Variants in TSPAN13 observed in about 807,000 individuals in gnomAD.
The protein encoded by TSPAN13 is tetraspanin-13.
A neutral mutation model predicts 26.9 loss-of-function variants in TSPAN13; 18 were observed. The observed-to-expected ratio is 0.67, with a 90% confidence interval of 0.46 to 0.99. The LOEUF (loss-of-function observed/expected upper bound fraction) is 0.99, where lower values mean the gene tolerates loss of function less well. TSPAN13 is among the 50% of genes least tolerant of loss of function. The pLI, the probability that TSPAN13 is intolerant of heterozygous loss-of-function variation, is 0.00. For synonymous variants in TSPAN13, 116 were observed against 98.4 expected, an observed-to-expected ratio of 1.18 and a Z score of -1.06; for missense variants, 201 against 249.6, an observed-to-expected ratio of 0.81 and a Z score of 1.31.
chr7:16,767,821 T>G (rs758018765), intron 1 of TSPAN13, among the ~76,000 whole-genome samples: 1 of 152,248 alleles, frequency 6.6e-6, no homozygotes, highest in Non-Finnish European at 1.5e-5. Context: ...TTTCAAATTC[T>G]TCTTCAGTGA....
intron 5 of TSPAN13, among the ~76,000 whole-genome samples, chr7:16,781,259 T>A (rs1400752005): frequency 6.6e-6 from 1 of 152,210 alleles, no homozygotes; most frequent in Non-Finnish European, 1.5e-5. Flanking sequence ...TATTGTGGCA[T>A]ATTTCCTTCT....
chr7:16,761,478 A>C (rs1247251774), intron 1 of TSPAN13, among the ~76,000 whole-genome samples: 1 of 152,130 alleles, frequency 6.6e-6, no homozygotes. Context: ...GTAATTCCTC[A>C]TTATGAATGT....
Position 16,759,780 on chromosome 7 carries a change from C to T in TSPAN13, c.63+5750C>T, listed in dbSNP as rs528041738. Among the ~76,000 whole-genome samples, 58 of 151,244 alleles carry T rather than the reference C, an allele frequency of 3.8e-4. No individual in the cohort carries two copies. In the Middle Eastern group the frequency reaches 0.01, roughly 27 times the overall value. ...CAGCTCACTGCCAGAGAGCTGTCTC[C>T]TGGGCTCAAGTGATCCTCCCACATC... is the stretch of plus-strand genomic sequence containing the variant. On this transcript the variant is annotated intron_variant, in intron 1 of 5. Coordinates refer to ENST00000262067, the MANE Select transcript of TSPAN13 (RefSeq NM_014399.4).
intron 5 of TSPAN13, among the ~76,000 whole-genome samples, chr7:16,781,451 C>G (rs1186474899): frequency 6.6e-6 from 1 of 152,142 alleles, no homozygotes; most frequent in African/African-American, 2.4e-5. Context: ...GAAAAGTGCC[C>G]TCTTAATCAT....
intron 1 of TSPAN13, among the ~76,000 whole-genome samples, chr7:16,772,096 A>G (rs991982587): frequency 2.6e-5 from 4 of 152,188 alleles, no homozygotes; most frequent in African/African-American, 2.4e-5. Flanking sequence ...TCTCATTATT[A>G]ATGAGCCTAT....
At chr7:16,770,202 T>C (rs924793500) in intron 1 of TSPAN13, among the ~76,000 whole-genome samples, 2 of 151,314 alleles carry the variant, frequency 1.3e-5, no homozygotes, top group African/African-American at 4.8e-5. Context: ...TATTTTATTA[T>C]TTTATTATTA....
At position 16,763,084 on chromosome 7, in the gene TSPAN13, T is replaced by A. The variant is rs141458382; in HGVS notation, c.63+9054T>A. ...CCATGGACCTGCTCAGCGGTAAAAC[T>A]TACATTGGTGTTAAATTTAGTAACG... On this transcript the variant is annotated intron_variant, in intron 1 of 5. Coordinates refer to ENST00000262067, the MANE Select transcript of TSPAN13 (RefSeq NM_014399.4). Among the ~76,000 whole-genome samples the A allele has an allele frequency of 1.7e-4, 26 of 152,260 alleles. No homozygotes were observed. In the East Asian group the frequency reaches 4.8e-3, roughly 28 times the overall value.
intron 1 of TSPAN13, among the ~76,000 whole-genome samples, chr7:16,770,344 TA>T (rs1167724537): frequency 6.6e-6 from 1 of 152,062 alleles, no homozygotes; most frequent in African/African-American, 2.4e-5. Context: ...TAGCTGGGAT[TA>T]CAGGTGCCCA....
intron 1 of TSPAN13, among the ~76,000 whole-genome samples, chr7:16,759,796 C>T (rs1441433762): frequency 6.6e-6 from 1 of 151,622 alleles, no homozygotes; most frequent in Non-Finnish European, 1.5e-5. Flanking sequence ...TCAAGTGATC[C>T]TCCCACATCA....
chr7:16,782,056 C>T (rs574426715), intron 5 of TSPAN13, among the ~76,000 whole-genome samples: 4 of 152,068 alleles, frequency 2.6e-5, no homozygotes, highest in African/African-American at 7.2e-5. Flanking sequence ...GGTAAAATGA[C>T]GATATTGATA....
chr7:16,768,834 T>A (rs1407995575), intron 1 of TSPAN13, among the ~76,000 whole-genome samples: 2 of 152,230 alleles, frequency 1.3e-5, no homozygotes, highest in Non-Finnish European at 2.9e-5. Context: ...ATCAGTTACC[T>A]GCTTTAACGA....
intron 1 of TSPAN13, among the ~76,000 whole-genome samples, chr7:16,758,773 G>C (rs931343148): frequency 2.7e-5 from 4 of 150,640 alleles, no homozygotes; most frequent in African/African-American, 9.8e-5. Context: ...TACATAATTG[G>C]CCAACCTTTC....
rs764275389 is a variant in TSPAN13, at chr7:16,753,986, G to C, written c.19G>C (p.Ala7Pro). ...TTCCAAGATGGTTTGCGGGGGCTTC[G>C]CGTGTTCCAAGAACTGCCTGTGCGC... MVCGGFACSKNCLCALN... is the reference protein window; with the variant it reads MVCGGFPCSKNCLCALN... Residue 7 changes from alanine (A) to proline (P), a missense_variant, in exon 1 of 6, where the codon GCG (alanine) becomes CCG (proline). Coordinates refer to ENST00000262067, the MANE Select transcript of TSPAN13 (RefSeq NM_014399.4). 12 of 1,613,574 alleles carry C rather than the reference G, an allele frequency of 7.4e-6. No individual in the cohort carries two copies. In the South Asian group the frequency reaches 1.3e-4, roughly 18 times the overall value.
chr7:16,780,222 C>T (rs1340688866), intron 5 of TSPAN13, among the ~76,000 whole-genome samples: 1 of 152,072 alleles, frequency 6.6e-6, no homozygotes, highest in Non-Finnish European at 1.5e-5. Context: ...ACCTCAGCCT[C>T]CCGAGTAGCT....
chr7:16,781,139 A>G (rs1784809521), intron 5 of TSPAN13, among the ~76,000 whole-genome samples: 1 of 152,190 alleles, frequency 6.6e-6, no homozygotes, highest in Admixed American at 6.5e-5. Context: ...ATCTGAAAAA[A>G]GCTATGATTA....
intron 1 of TSPAN13, among the ~76,000 whole-genome samples, chr7:16,766,930 T>C (rs767202349): frequency 1.4e-4 from 22 of 152,178 alleles, no homozygotes; most frequent in Non-Finnish European, 2.6e-4. Flanking sequence ...ATGCCAGTGT[T>C]TTTTTTCTCT....
In TSPAN13 at chr7:16,783,821, C is replaced by A. The variant is rs1429952757; in HGVS notation, c.*330C>A. The A allele has an allele frequency of 6.8e-6, 2 of 295,826 alleles. No homozygotes were observed. Among genetic ancestry groups the A allele is most frequent in the African/African-American group, 4.2e-5 (2 of 47,280 alleles). The allele number at this position is 295,826 out of a possible 1,614,324, so 18.3% of individuals were successfully genotyped here. A position where few individuals can be genotyped will look rare whatever the true frequency, so the allele number is the denominator to read the frequency against. On this transcript the variant is annotated 3_prime_UTR_variant, in exon 6 of 6. Transcript: ENST00000262067. ...CCACTGTGTTGGTTATATGGTGAAT[C>A]TGAACGTACATCTCACTGGTATAAT...
At chr7:16,767,112 A>G (rs1784613264) in intron 1 of TSPAN13, among the ~76,000 whole-genome samples, 1 of 152,090 alleles carries the variant, frequency 6.6e-6, no homozygotes, top group Non-Finnish European at 1.5e-5. Flanking sequence ...AACCCAGCTA[A>G]TCTCTCTTTT....
chr7:16,780,603 T>G (rs1442699635), intron 5 of TSPAN13, among the ~76,000 whole-genome samples: 1 of 152,164 alleles, frequency 6.6e-6, no homozygotes, highest in East Asian at 1.9e-4. Context: ...TATGAAAACT[T>G]AAAAATACAG....
Sources: allele counts gnomAD v4.1 joint callset (sites outside exome capture counted in the v4.1 genomes callset), GRCh38; gene constraint gnomAD v4.1.1; transcripts MANE v1.5; gene names NCBI Gene and HGNC (gene_info 2026-07-23, HGNC 2026-07-21).